Variants in IFT27 observed in about 807,000 individuals in gnomAD.
IFT27 encodes intraflagellar transport 27, also known as intraflagellar transport protein 27 homolog.
Under a neutral mutation model 23.9 loss-of-function variants are expected in IFT27, and 19 were observed. The ratio of observed to expected loss-of-function variants is 0.79; its 90% CI spans 0.55 to 1.16. The LOEUF is 1.16. IFT27 is among the 50% of genes most tolerant of loss of function. The pLI is 0.00. For synonymous variants in IFT27, 91 were observed against 89.1 expected (o/e 1.02, Z -0.12); for missense variants, 206 against 228.7 (o/e 0.90, Z 0.64).
chr22:36,758,262 G>T lies in IFT27; in HGVS notation c.*49C>A. ...GCCATCATTATATATTAAAAGAGCA[G>T]AGGTAATTCTGTCTTCTCCGGTTGT... On this transcript the variant is annotated 3_prime_UTR_variant, in exon 7 of 7. Transcript: ENST00000433985. 1 of 1,337,472 alleles carries T rather than the reference G, an allele frequency of 7.5e-7. No individual in the cohort carries two copies. The highest frequency in any genetic ancestry group is 1.2e-5 in the South Asian group (1 of 85,282). The allele number at this position is 1,337,472 out of a possible 1,614,324, so 82.9% of individuals were successfully genotyped here.
intron 1 of IFT27, 138 bp downstream of exon 1, chr22:36,775,536 A>C: frequency 1.2e-6 from 1 of 856,546 alleles, no homozygotes; most frequent in Non-Finnish European, 2.0e-6. Flanking sequence ...AATTTACTGT[A>C]TCAGTAATTG....
chr22:36,767,472 A>C (rs1324111722), intron 2 of IFT27, 107 bp from the exon 3 acceptor site: 3 of 1,007,140 alleles, frequency 3.0e-6, no homozygotes, highest in Non-Finnish European at 1.5e-6. Flanking sequence ...CTCCAGTGGA[A>C]GGGTTTGTTC....
At chr22:36,775,594 G>T in intron 1 of IFT27, 80 bp downstream of exon 1, 1 of 1,485,778 alleles carries the variant, frequency 6.7e-7, no homozygotes, top group Non-Finnish European at 9.4e-7. Flanking sequence ...GGCAATTTAG[G>T]TGAACAAAAG....
rs1375474775 is a variant in IFT27 at position 36,767,778 on chromosome 22, C to T, written c.114+5G>A. ...CTGTGGCCAGGTCTTGACACCCCAG[C>T]TCACCAGGGTGTAGCTTTTCTGGAA... is the stretch of plus-strand genomic sequence containing the variant. On this transcript the variant is annotated splice_donor_5th_base_variant and intron_variant, in intron 2 of 6. Coordinates refer to ENST00000433985, the MANE Select transcript of IFT27 (RefSeq NM_001177701.3). The T allele has an allele frequency of 1.2e-6, 2 of 1,612,716 alleles. No individual in the cohort carries two copies. Among genetic ancestry groups the T allele is most frequent in the Admixed American group, 3.3e-5 (2 of 60,028 alleles).
chr22:36,773,654 C>CAAAAAA (rs35651506), intron 1 of IFT27, among the ~76,000 whole-genome samples: 2 of 110,478 alleles, frequency 1.8e-5, no homozygotes, highest in Non-Finnish European at 3.5e-5. Context: ...AACTCCGTCT[C>CAAAAAA]AAAAAAAAAA....
At chr22:36,758,685 G>T in intron 6 of IFT27, 1 of 445,800 alleles carries the variant, frequency 2.2e-6, no homozygotes, top group East Asian at 4.2e-5. Context: ...CAAAGCCTGT[G>T]CTTTTAGTTG....
At chr22:36,775,199 C>A (rs1468714343) in intron 1 of IFT27, among the ~76,000 whole-genome samples, 1 of 152,016 alleles carries the variant, frequency 6.6e-6, no homozygotes, top group African/African-American at 2.4e-5. Flanking sequence ...CACACAAGTG[C>A]CTTTTGCAAA....
At chr22:36,767,171 T>A in intron 3 of IFT27, 135 bp downstream of exon 3, 5 of 645,796 alleles carry the variant, frequency 7.7e-6, no homozygotes, top group Non-Finnish European at 1.4e-5. Flanking sequence ...GCTTCCCGAT[T>A]CTATTCCGAA....
At chr22:36,769,756 C>T (rs191584938) in intron 1 of IFT27, among the ~76,000 whole-genome samples, 26 of 152,302 alleles carry the variant, frequency 1.7e-4, no homozygotes, top group East Asian at 1.4e-3. Flanking sequence ...GCAAACAGAG[C>T]GCATCGCTTT....
intron 1 of IFT27, among the ~76,000 whole-genome samples, chr22:36,770,416 C>T (rs755577830): frequency 5.6e-4 from 85 of 152,166 alleles, no homozygotes; most frequent in Non-Finnish European, 6.0e-4. Context: ...TCATCGGCGG[C>T]GCTCTGCTCC....
chr22:36,768,111 G>A (rs1283666465), intron 1 of IFT27: 1 of 625,992 alleles, frequency 1.6e-6, no homozygotes, highest in East Asian at 3.5e-5. Context: ...TGACCCAGAA[G>A]GTAACAGAAC....
chr22:36,763,951 G>C lies in IFT27; in HGVS notation c.320C>G (p.Ala107Gly). 1.2e-6 allele frequency: 2 copies of C among 1,613,888 alleles called. No homozygotes were observed. Among genetic ancestry groups the C allele is most frequent in the South Asian group, 2.2e-5 (2 of 91,074 alleles). The change falls in exon 5 of 7, where the codon GCT (alanine) becomes GGT (glycine). Residue 107 changes from alanine to glycine, a missense_variant. Coordinates refer to ENST00000433985, the MANE Select transcript of IFT27 (RefSeq NM_001177701.3). ...AGAGATGCCTGGAGCCTGTGACCGA[G>C]CCTTCTCCAGCCACTTGCTGCAGTT... ...FNNCSKWLEK[A>G]RSQAPGISLP...
At chr22:36,772,214 C>T (rs972590678) in intron 1 of IFT27, among the ~76,000 whole-genome samples, 2 of 152,204 alleles carry the variant, frequency 1.3e-5, no homozygotes, top group African/African-American at 2.4e-5. Context: ...GCAACCCTCC[C>T]AGGAGGCTCT....
intron 6 of IFT27, chr22:36,760,541 G>T (rs1938063275): frequency 6.6e-6 from 1 of 152,232 alleles, no homozygotes; most frequent in African/African-American, 2.4e-5. Context: ...GTTCAGGCTA[G>T]TGTTCAGTCT....
At chr22:36,769,848 T>C (rs1217355172) in intron 1 of IFT27, among the ~76,000 whole-genome samples, 1 of 152,160 alleles carries the variant, frequency 6.6e-6, no homozygotes, top group East Asian at 1.9e-4. Flanking sequence ...TCCTCCTGCT[T>C]ATGAGATTCC....
intron 1 of IFT27, chr22:36,772,315 G>GC (rs1300303117): frequency 5.8e-6 from 1 of 173,354 alleles, no homozygotes; most frequent in Non-Finnish European, 1.1e-5. Flanking sequence ...TCACTTTCTA[G>GC]CTGTGTGAGT....
intron 1 of IFT27, among the ~76,000 whole-genome samples, chr22:36,770,153 C>A (rs544298874): frequency 1.3e-5 from 2 of 152,174 alleles, no homozygotes; most frequent in African/African-American, 2.4e-5. Flanking sequence ...GCAGGCAGGG[C>A]GCTGCAGGAC....
Position 36,767,831 on chromosome 22 carries a change from T to C in IFT27, c.66A>G (p.Ala22=), listed in dbSNP as rs2145921048. The change falls in exon 2 of 7, where the codon GCA becomes GCG. Residue 22 remains alanine (A), a synonymous_variant. Transcript: ENST00000433985. Reference sequence around the variant, plus strand: ...GGGCTCCATCACTGCGGAAGATCTGTGCCAGGGCGGTCTTGCCCACTGCTG... The same window carrying C: ...GGGCTCCATCACTGCGGAAGATCTGCGCCAGGGCGGTCTTGCCCACTGCTG... ...GDPAVGKTAL[A]QIFRSDGAHF... The C allele has an allele frequency of 3.7e-6, 6 of 1,614,208 alleles. No individual in the cohort carries two copies. Among genetic ancestry groups the C allele is most frequent in the East Asian group, 2.2e-5 (1 of 44,888 alleles).
chr22:36,771,774 C>T (rs1191857946), intron 1 of IFT27, among the ~76,000 whole-genome samples: 3 of 152,240 alleles, frequency 2.0e-5, no homozygotes, highest in African/African-American at 7.2e-5. Flanking sequence ...CCCGACTGTG[C>T]CTTGAACACT....
Sources: gnomAD v4.1 joint callset for allele counts (sites outside exome capture counted in the v4.1 genomes callset) on GRCh38, gnomAD v4.1.1 for gene constraint, MANE v1.5 for transcripts, NCBI Gene and HGNC (gene_info 2026-07-23, HGNC 2026-07-21) for gene names.